MTA3: variants seen among roughly 807,000 people sequenced by gnomAD.
MTA3 encodes the protein metastasis associated 1 family member 3.
MTA3 carries 34 observed loss-of-function variants against 83.5 expected under a neutral mutation model. That is an observed-to-expected ratio of 0.41 (90% CI 0.31 to 0.54). The LOEUF (loss-of-function observed/expected upper bound fraction) is 0.54, where lower values mean the gene tolerates loss of function less well. Ranked by LOEUF, MTA3 falls within the 20% of genes least tolerant of loss-of-function variation. The pLI is 0.33. For missense variants in MTA3, 761 were observed against 726.4 expected (o/e 1.05, Z -0.55); for synonymous variants, 303 against 252.7 (o/e 1.20, Z -1.89).
At chr2:42,518,003 C>T (rs930443401) in intron 2 of MTA3, among the ~76,000 whole-genome samples, 2 of 151,806 alleles carry the variant, frequency 1.3e-5, no homozygotes, top group African/African-American at 2.4e-5. Flanking sequence ...CTGACCAACA[C>T]GGTGAAACCC....
chr2:42,602,820 G>A (rs1263255781), intron 3 of MTA3, among the ~76,000 whole-genome samples: 2 of 152,132 alleles, frequency 1.3e-5, no homozygotes, highest in Non-Finnish European at 2.9e-5. Flanking sequence ...TTATCCAGAG[G>A]AGTGTTCTCT....
intron 16 of MTA3, among the ~76,000 whole-genome samples, chr2:42,747,747 C>A (rs905160351): frequency 6.6e-6 from 1 of 151,854 alleles, no homozygotes; most frequent in Non-Finnish European, 1.5e-5. Context: ...TATATCACAC[C>A]TATAAAGACA....
chr2:42,537,832 G>C lies in MTA3; in HGVS notation c.-140-32605G>C, dbSNP rs142204815. Among the ~76,000 whole-genome samples the C allele has an allele frequency of 4.3e-4, 66 of 152,312 alleles. 1 individual carries two copies. Among genetic ancestry groups the C allele is most frequent in the African/African-American group, 1.5e-3 (64 of 41,570 alleles). Reference sequence around the variant, plus strand: ...GATGTGGTCATTCTTTTTAGAGTTTGTAGGAAAGTGTCTTTCTTCTTAGGA... The same window carrying C: ...GATGTGGTCATTCTTTTTAGAGTTTCTAGGAAAGTGTCTTTCTTCTTAGGA... On this transcript the variant is annotated intron_variant, in intron 2 of 17. Transcript: ENST00000405592.
intron 2 of MTA3, among the ~76,000 whole-genome samples, chr2:42,553,231 C>CAG (rs1677202726): frequency 6.6e-6 from 1 of 151,654 alleles, no homozygotes; most frequent in Non-Finnish European, 1.5e-5. Context: ...CGAGACAATC[C>CAG]TGGCTAACGC....
chr2:42,690,806 C>G (rs955524617), intron 9 of MTA3, among the ~76,000 whole-genome samples: 2 of 150,818 alleles, frequency 1.3e-5, no homozygotes, highest in African/African-American at 2.4e-5. Context: ...TCCCGAGTAG[C>G]TGGGACTACA....
At chr2:42,520,699 A>G (rs1401068019) in intron 2 of MTA3, among the ~76,000 whole-genome samples, 5 of 151,864 alleles carry the variant, frequency 3.3e-5, no homozygotes, top group Non-Finnish European at 7.4e-5. Flanking sequence ...CCAAGTAGCT[A>G]GGACTACAGG....
intron 12 of MTA3, among the ~76,000 whole-genome samples, chr2:42,707,027 A>G (rs1666155139): frequency 7.8e-6 from 1 of 128,566 alleles, no homozygotes; most frequent in East Asian, 2.3e-4. Flanking sequence ...GCTGGAATGC[A>G]GTGGTGCAAT....
chr2:42,715,402 ACTACTTTTT>A (rs1558613565), intron 14 of MTA3, among the ~76,000 whole-genome samples: 2 of 119,156 alleles, frequency 1.7e-5, no homozygotes, highest in African/African-American at 6.7e-5. Context: ...CTTGCCACCA[ACTACTTTTT>A]TTTTTTTTTT....
chr2:42,612,771 G>C (rs1341246236), intron 4 of MTA3, among the ~76,000 whole-genome samples: 3 of 152,100 alleles, frequency 2.0e-5, no homozygotes, highest in African/African-American at 7.2e-5. Flanking sequence ...TGAGGCAGAA[G>C]AATCATTTAA....
intron 8 of MTA3, among the ~76,000 whole-genome samples, chr2:42,668,893 A>T (rs1690531295): frequency 6.6e-6 from 1 of 152,134 alleles, no homozygotes; most frequent in South Asian, 2.1e-4. Context: ...AACTTAGAAA[A>T]GACAATTTAT....
chr2:42,670,947 T>A (rs1360386227), intron 8 of MTA3, among the ~76,000 whole-genome samples: 1 of 152,024 alleles, frequency 6.6e-6, no homozygotes, highest in East Asian at 1.9e-4. Context: ...TTTATTCAGA[T>A]TTGTTAGTTG....
chr2:42,532,371 G>T (rs1243357290), intron 2 of MTA3, among the ~76,000 whole-genome samples: 1 of 152,102 alleles, frequency 6.6e-6, no homozygotes, highest in Non-Finnish European at 1.5e-5. Context: ...TTAGCCAGGT[G>T]TCATGGCGGG....
chr2:42,501,222 A>G (rs1450249644), intron 2 of MTA3, among the ~76,000 whole-genome samples: 1 of 152,190 alleles, frequency 6.6e-6, no homozygotes, highest in Non-Finnish European at 1.5e-5. Flanking sequence ...ATGTCAGGAA[A>G]CTAACAGAAG....
intron 11 of MTA3, chr2:42,702,371 G>A (rs1241805430): frequency 2.6e-5 from 4 of 152,238 alleles, no homozygotes; most frequent in Admixed American, 6.5e-5. Flanking sequence ...AGTGGTGGGA[G>A]TGTCACCTGA....
At chr2:42,719,194 T>A (rs1295146958) in intron 15 of MTA3, 120 bp downstream of exon 15, 3 of 657,708 alleles carry the variant, frequency 4.6e-6, no homozygotes, top group African/African-American at 1.8e-5. Flanking sequence ...CGAAATTGGA[T>A]ACCTTTATAT....
chr2:42,523,125 C>A (rs1046155055), intron 2 of MTA3, among the ~76,000 whole-genome samples: 1 of 152,074 alleles, frequency 6.6e-6, no homozygotes, highest in Non-Finnish European at 1.5e-5. Context: ...ATGAACTTTT[C>A]ATCAGTGTTT....
chr2:42,599,735 C>T (rs528551574), intron 3 of MTA3, among the ~76,000 whole-genome samples: 9 of 152,128 alleles, frequency 5.9e-5, no homozygotes, highest in Admixed American at 6.6e-5. Context: ...TATTTTATTT[C>T]CTGTTTTTGT....
At chr2:42,690,555 A>C (rs1329261530) in intron 9 of MTA3, among the ~76,000 whole-genome samples, 1 of 150,416 alleles carries the variant, frequency 6.6e-6, no homozygotes, top group Non-Finnish European at 1.5e-5. Flanking sequence ...TTTTCCATTA[A>C]TTTTGAGTAA....
chr2:42,751,602 C>G (rs749287708), intron 16 of MTA3, among the ~76,000 whole-genome samples: 3 of 152,168 alleles, frequency 2.0e-5, no homozygotes, highest in African/African-American at 4.8e-5. Context: ...AATTGAAAAC[C>G]GTGGCCAGGG....
Sources: gnomAD v4.1 joint callset for allele counts (sites outside exome capture counted in the v4.1 genomes callset) on GRCh38, gnomAD v4.1.1 for gene constraint, MANE v1.5 for transcripts, NCBI Gene and HGNC (gene_info 2026-07-23, HGNC 2026-07-21) for gene names.